Variants in ZC3H14 observed in about 807,000 individuals in gnomAD.
ZC3H14 encodes zinc finger CCCH domain-containing protein 14.
Under a neutral mutation model 92.4 loss-of-function variants are expected in ZC3H14, and 31 were observed. The observed-to-expected ratio is 0.34, with a 90% CI of 0.25 to 0.45. The LOEUF is 0.45. ZC3H14 is among the 20% of genes least tolerant of loss of function. ZC3H14 has a pLI of 1.00. For missense variants in ZC3H14, 781 were observed against 897.3 expected (o/e 0.87, Z 1.66); for synonymous variants, 321 against 300.9 (o/e 1.07, Z -0.69).
intron 6 of ZC3H14, among the ~76,000 whole-genome samples, chr14:88,573,522 C>T (rs2080756550): frequency 1.3e-5 from 2 of 152,110 alleles, no homozygotes. Flanking sequence ...CAACCTCCAC[C>T]TCCTGGGTTC....
chr14:88,594,688 G>T (rs765155842), intron 9 of ZC3H14: 3 of 1,613,198 alleles, frequency 1.9e-6, no homozygotes, highest in East Asian at 2.2e-5. Context: ...TTAAGGGAGA[G>T]AATTTTATGA....
At chr14:88,581,406 A>G (rs2081893534) in intron 9 of ZC3H14, among the ~76,000 whole-genome samples, 1 of 151,880 alleles carries the variant, frequency 6.6e-6, no homozygotes, top group Non-Finnish European at 1.5e-5. Context: ...TAAAAATACA[A>G]AAAAATTAGC....
intron 12 of ZC3H14, among the ~76,000 whole-genome samples, chr14:88,606,600 T>C (rs1220223001): frequency 6.6e-6 from 1 of 152,038 alleles, no homozygotes; most frequent in Non-Finnish European, 1.5e-5. Context: ...GGAAACCCTG[T>C]AGCCAGGCGT....
intron 10 of ZC3H14, among the ~76,000 whole-genome samples, chr14:88,599,976 A>G (rs1426491520): frequency 1.3e-5 from 2 of 152,156 alleles, no homozygotes; most frequent in Non-Finnish European, 2.9e-5. Context: ...GCCACCCTGA[A>G]TATGTTAAAC....
chr14:88,599,436 G>A (rs1447539512), intron 10 of ZC3H14, among the ~76,000 whole-genome samples: 1 of 152,122 alleles, frequency 6.6e-6, no homozygotes, highest in Non-Finnish European at 1.5e-5. Context: ...AATGCATGGG[G>A]TCAGCCTGTG....
At chr14:88,571,664 A>G (rs762839239) in intron 4 of ZC3H14, among the ~76,000 whole-genome samples, 1 of 152,196 alleles carries the variant, frequency 6.6e-6, no homozygotes, top group Non-Finnish European at 1.5e-5. Context: ...AACGACTTAA[A>G]GTAATAAAAA....
intron 1 of ZC3H14, 77 bp from the exon 2 acceptor site, chr14:88,563,574 C>T: frequency 6.3e-7 from 1 of 1,591,556 alleles, no homozygotes; most frequent in South Asian, 1.1e-5. Flanking sequence ...AGCAAAGTGG[C>T]CTCAGCCGCT....
intron 13 of ZC3H14, among the ~76,000 whole-genome samples, chr14:88,607,863 A>C (rs1595099404): frequency 1.9e-5 from 1 of 51,902 alleles, no homozygotes; most frequent in African/African-American, 7.8e-5. Flanking sequence ...ACCATCCCCT[A>C]TCTCACCCTG....
rs573216794 is a variant in ZC3H14 at position 88,621,744 on chromosome 14, G to A, written c.*9993G>A. ...AAATACACTTAATAAGTACAAACAC[G>A]CTCAAAAATTTTCATAGGAGTTGTA... On this transcript the variant is annotated 3_prime_UTR_variant, in exon 17 of 17. Coordinates refer to ENST00000251038, the MANE Select transcript of ZC3H14 (RefSeq NM_024824.5). 4.8e-5 allele frequency: 16 copies of A among 336,582 alleles called. No individual in the cohort carries two copies. The highest frequency in any genetic ancestry group is 2.5e-4 in the South Asian group (10 of 40,400). 20.8% of individuals were successfully genotyped at this position (336,582 alleles called of 1,614,324 possible).
At position 88,621,494 on chromosome 14, in the gene ZC3H14, G is replaced by A. The variant is rs1306059949; in HGVS notation, c.*9743G>A. 1 of 612,376 alleles carries A rather than the reference G, an allele frequency of 1.6e-6. No individual in the cohort carries two copies. The highest frequency in any genetic ancestry group is 2.9e-6 in the Non-Finnish European group (1 of 347,836). 37.9% of individuals were successfully genotyped at this position (612,376 alleles called of 1,614,324 possible). On this transcript the variant is annotated 3_prime_UTR_variant, in exon 17 of 17. Transcript: ENST00000251038. ...ACACATCTATCTGTAAGCACAATGG[G>A]CTAGATTACATATTAGAGTCCATGC...
chr14:88,574,454 A>T (rs139900462), intron 6 of ZC3H14: 2 of 445,560 alleles, frequency 4.5e-6, no homozygotes, highest in African/African-American at 2.0e-5. Flanking sequence ...CATATTGGCC[A>T]GGCTGGTCTC....
chr14:88,581,344 A>T (rs1348276471), intron 9 of ZC3H14, among the ~76,000 whole-genome samples: 2 of 152,116 alleles, frequency 1.3e-5, no homozygotes, highest in East Asian at 1.9e-4. Context: ...AGATCACCTG[A>T]GGTCAGGAGT....
At chr14:88,587,790 T>G (rs917191581) in intron 9 of ZC3H14, among the ~76,000 whole-genome samples, 2 of 151,870 alleles carry the variant, frequency 1.3e-5, no homozygotes, top group South Asian at 4.2e-4. Flanking sequence ...ATATATATAT[T>G]TTAATGTTTT....
In ZC3H14 at chr14:88,624,817, A is replaced by T; in HGVS notation, c.*13066A>T. On this transcript the variant is annotated 3_prime_UTR_variant, in exon 17 of 17. Coordinates refer to ENST00000251038, the MANE Select transcript of ZC3H14 (RefSeq NM_024824.5). ...TTAAGACCAGAAATGAGAATCAAATAGAAGGCACATAAAAGGTAATAAAGG... is the reference window on the plus strand; with the variant it reads ...TTAAGACCAGAAATGAGAATCAAATTGAAGGCACATAAAAGGTAATAAAGG... 1.2e-6 allele frequency: 1 copy of T among 836,728 alleles called. No homozygotes were observed. Among genetic ancestry groups the T allele is most frequent in the Non-Finnish European group, 1.8e-6 (1 of 554,296 alleles). The allele number at this position is 836,728 out of a possible 1,614,324, so 51.8% of individuals were successfully genotyped here.
chr14:88,602,002 T>C lies in ZC3H14; in HGVS notation c.1433T>C (p.Val478Ala). Residue 478 changes from valine (V) to alanine (A), a missense_variant, in exon 11 of 17, where the codon GTA (valine) becomes GCA (alanine). By Grantham distance (64) the Val-to-Ala change is moderately conservative. Coordinates refer to ENST00000251038, the MANE Select transcript of ZC3H14 (RefSeq NM_024824.5). ...AAGAAGCCAAAGCTGTCTGAGGAAG[T>C]AGTAGTGGCACCAAACCAAGAGTCG... ...ILKKPKLSEEVVVAPNQESGM... is the reference protein window; with the variant it reads ...ILKKPKLSEEAVVAPNQESGM... 1 of 1,614,146 alleles carries C rather than the reference T, an allele frequency of 6.2e-7. No individual in the cohort carries two copies. The highest frequency in any genetic ancestry group is 8.5e-7 in the Non-Finnish European group (1 of 1,180,004).
At chr14:88,565,531 T>A (rs2079451794) in intron 2 of ZC3H14, among the ~76,000 whole-genome samples, 1 of 152,336 alleles carries the variant, frequency 6.6e-6, no homozygotes, top group South Asian at 2.1e-4. Flanking sequence ...AGTGAACCAA[T>A]CTTTTCTAAA....
At chr14:88,597,606 C>G (rs1038833472) in intron 10 of ZC3H14, among the ~76,000 whole-genome samples, 1 of 152,198 alleles carries the variant, frequency 6.6e-6, no homozygotes, top group African/African-American at 2.4e-5. Flanking sequence ...CCACCAGAGG[C>G]CAGATCCCAC....
intron 9 of ZC3H14, 46 bp downstream of exon 9, chr14:88,578,186 G>A (rs774357073): frequency 3.1e-6 from 5 of 1,601,706 alleles, no homozygotes; most frequent in Non-Finnish European, 4.3e-6. Context: ...GTTTTTTCAT[G>A]AGGCATTGAA....
chr14:88,605,670 G>A (rs565783515), intron 12 of ZC3H14, among the ~76,000 whole-genome samples: 2 of 152,308 alleles, frequency 1.3e-5, no homozygotes, highest in Admixed American at 1.3e-4. Context: ...TTTTAAAGTA[G>A]CATAGAAAAC....
Sources: gnomAD v4.1 joint callset for allele counts (sites outside exome capture counted in the v4.1 genomes callset) on GRCh38, gnomAD v4.1.1 for gene constraint, MANE v1.5 for transcripts, NCBI Gene and HGNC (gene_info 2026-07-23, HGNC 2026-07-21) for gene names.